The following JAK2 variants were observed in gnomAD, a reference collection of about 807,000 sequenced individuals.
JAK2 encodes the protein tyrosine-protein kinase JAK2.
Under a neutral mutation model 139.3 loss-of-function variants are expected in JAK2, and 86 were observed. That is an observed-to-expected ratio of 0.62 (90% CI 0.52 to 0.74). The LOEUF (loss-of-function observed/expected upper bound fraction) is 0.74, where lower values mean the gene tolerates loss of function less well. Among genes scored for constraint, JAK2 ranks in the 30% least tolerant of loss-of-function variants. The pLI, the probability that JAK2 is intolerant of heterozygous loss-of-function variation, is 0.00. For missense variants in JAK2, 1,421 were observed against 1,360.3 expected, an observed-to-expected ratio of 1.04 and a Z score of -0.70; for synonymous variants, 490 against 437.7, an observed-to-expected ratio of 1.12 and a Z score of -1.49.
chr9:5,043,970 G>A (rs542203382), intron 4 of JAK2, among the ~76,000 whole-genome samples: 1 of 152,160 alleles, frequency 6.6e-6, no homozygotes, highest in Non-Finnish European at 1.5e-5. Flanking sequence ...CTCAATAAAG[G>A]TGTTACTAAA....
intron 2 of JAK2, among the ~76,000 whole-genome samples, chr9:5,006,186 G>A (rs1000385015): frequency 3.1e-4 from 47 of 152,220 alleles, no homozygotes; most frequent in African/African-American, 1.1e-3. Flanking sequence ...GTGGTTTGTA[G>A]TTCTCCTTGA....
At chr9:5,051,656 T>G (rs1817423673) in intron 6 of JAK2, among the ~76,000 whole-genome samples, 1 of 152,170 alleles carries the variant, frequency 6.6e-6, no homozygotes, top group Non-Finnish European at 1.5e-5. Context: ...AAGAATGGTT[T>G]AAGTTTGAAG....
In JAK2 at chr9:5,066,739, C is replaced by T. The variant is rs1340580425; in HGVS notation, c.1276C>T (p.Arg426Ter). ...TAATCAGACTGGACTGTATGTACTT[C>T]GATGCAGTCCTAAGGACTTTAATAA... is the stretch of plus-strand genomic sequence containing the variant. ...AGNQTGLYVL[R>*]CSPKDFNKYF... The change falls in exon 10 of 25, where the codon CGA becomes TGA. Residue 426 changes from arginine to a stop codon, truncating the protein, a stop_gained. Transcript: ENST00000381652. LOFTEE classifies it high-confidence loss of function. 2 of 1,604,834 alleles carry T rather than the reference C, an allele frequency of 1.2e-6. No individual in the cohort carries two copies. The highest frequency in any genetic ancestry group is 1.7e-6 in the Non-Finnish European group (2 of 1,175,738).
chr9:5,052,722 A>G (rs538210145), intron 6 of JAK2, among the ~76,000 whole-genome samples: 18 of 152,190 alleles, frequency 1.2e-4, no homozygotes, highest in Admixed American at 1.0e-3. Context: ...AACATTTCAT[A>G]TAAATAGAAT....
intron 5 of JAK2, among the ~76,000 whole-genome samples, chr9:5,049,608 T>C (rs1299021196): frequency 6.6e-6 from 1 of 152,242 alleles, no homozygotes; most frequent in Non-Finnish European, 1.5e-5. Flanking sequence ...TCTGGTGTTA[T>C]AATTATTTGC....
intron 22 of JAK2, chr9:5,111,922 A>C: frequency 2.9e-6 from 1 of 340,526 alleles, no homozygotes; most frequent in African/African-American, 2.2e-5. Flanking sequence ...GCCTCAATCT[A>C]CTCTCCGGAT....
At chr9:4,984,685 G>C (rs1196310440), upstream of JAK2, 1 of 152,514 alleles carries the variant, frequency 6.6e-6, no homozygotes, top group Non-Finnish European at 1.5e-5. Context: ...CGAAAGCGGA[G>C]AAGTGTGCGG....
chr9:5,082,894 T>C (rs1402760388), intron 19 of JAK2, among the ~76,000 whole-genome samples: 1 of 152,234 alleles, frequency 6.6e-6, no homozygotes, highest in East Asian at 1.9e-4. Context: ...TAACAGCATC[T>C]CAGGGCAAAG....
chr9:5,025,202 C>G (rs1272018573), intron 3 of JAK2, among the ~76,000 whole-genome samples: 1 of 152,072 alleles, frequency 6.6e-6, no homozygotes, highest in Non-Finnish European at 1.5e-5. Context: ...ACCATTTTCA[C>G]TGATGTTACT....
chr9:5,017,272 C>A (rs1229080862), intron 2 of JAK2, among the ~76,000 whole-genome samples: 1 of 152,124 alleles, frequency 6.6e-6, no homozygotes, highest in African/African-American at 2.4e-5. Context: ...CTAAAAGATA[C>A]ATTTCAGCAG....
At chr9:5,072,012 A>C (rs1818982284) in intron 12 of JAK2, among the ~76,000 whole-genome samples, 1 of 152,188 alleles carries the variant, frequency 6.6e-6, no homozygotes, top group Non-Finnish European at 1.5e-5. Context: ...ATCCTATGGG[A>C]AAATAGTTAT....
chr9:5,112,133 T>C (rs574421389), intron 22 of JAK2: 39 of 311,254 alleles, frequency 1.3e-4, no homozygotes, highest in African/African-American at 7.1e-4. Flanking sequence ...AGCCACGCCA[T>C]GGGCACGGCT....
chr9:5,014,228 T>A (rs1821900505), intron 2 of JAK2, among the ~76,000 whole-genome samples: 1 of 147,846 alleles, frequency 6.8e-6, no homozygotes, highest in African/African-American at 2.5e-5. Flanking sequence ...GGACTTGAAC[T>A]CCTGAGCTAA....
intron 13 of JAK2, 73 bp from the exon 14 acceptor site, chr9:5,073,625 G>A (rs2130554209): frequency 9.2e-7 from 1 of 1,088,054 alleles, no homozygotes; most frequent in Admixed American, 1.8e-5. Flanking sequence ...CTTTATTATG[G>A]CAGAGAGAAT....
At chr9:5,089,583 A>C in intron 19 of JAK2, 91 bp from the exon 20 acceptor site, 2 of 376,608 alleles carry the variant, frequency 5.3e-6, no homozygotes, top group Middle Eastern at 7.6e-4. Context: ...TGCTAATTCC[A>C]GCTACTAGAA....
chr9:5,093,887 G>T (rs1222045362), intron 22 of JAK2, among the ~76,000 whole-genome samples: 1 of 152,048 alleles, frequency 6.6e-6, no homozygotes, highest in Non-Finnish European at 1.5e-5. Flanking sequence ...AGTAATCCAG[G>T]TTGGTTTCTA....
rs1019260873 is a variant in JAK2 at position 4,985,525 on chromosome 9, G to C, written c.-214G>C. 1 of 152,426 alleles carries C rather than the reference G, an allele frequency of 6.6e-6. No homozygotes were observed. Among genetic ancestry groups the C allele is most frequent in the African/African-American group, 2.4e-5 (1 of 41,476 alleles). The allele number at this position is 152,426 out of a possible 1,614,324, so 9.4% of individuals were successfully genotyped here. ...CCCCCGAGGGCCCAGCCTGGAGGTC[G>C]TTCAGAGCCGTGCCCGTCCCGGGGC... On this transcript the variant is annotated 5_prime_UTR_variant, in exon 1 of 25. Transcript: ENST00000381652.
chr9:5,072,645 T>C lies in JAK2; in HGVS notation c.1776+19T>C, dbSNP rs369146840. The C allele has an allele frequency of 1.6e-4, 244 of 1,559,420 alleles. 1 individual carries two copies. The Middle Eastern group carries it at 4.2e-3, about 27-fold the overall frequency. On this transcript the variant is annotated intron_variant, in intron 13 of 24. Transcript: ENST00000381652. The stretch of plus-strand genomic sequence containing the variant: ...TTCAGAGGTGTGTATGTTCTTTATA[T>C]TGTTCATGTAGTTTATGCTGTTTAA...
At chr9:5,102,977 C>G (rs1320278950) in intron 22 of JAK2, among the ~76,000 whole-genome samples, 1 of 152,016 alleles carries the variant, frequency 6.6e-6, no homozygotes. Context: ...TAGGAAGAAA[C>G]AGCATCAACT....
Sources: gnomAD v4.1 joint callset for allele counts (sites outside exome capture counted in the v4.1 genomes callset) on GRCh38, gnomAD v4.1.1 for gene constraint, MANE v1.5 for transcripts, NCBI Gene and HGNC (gene_info 2026-07-23, HGNC 2026-07-21) for gene names.